The following GALNT13 variants were observed in gnomAD, a reference collection of about 807,000 sequenced individuals.
GALNT13 encodes the protein UDP-GalNAc:polypeptide N-acetylgalactosaminyltransferase 13.
Under a neutral mutation model 64.2 loss-of-function variants are expected in GALNT13, and 28 were observed. The ratio of observed to expected loss-of-function variants is 0.44; its 90% CI spans 0.32 to 0.60. GALNT13 has a LOEUF of 0.60. Ranked by LOEUF, GALNT13 falls within the 20% of genes least tolerant of loss-of-function variation. GALNT13 has a pLI of 0.05. For missense variants in GALNT13, 577 were observed against 669.8 expected (o/e 0.86, Z 1.53); for synonymous variants, 214 against 224.6 (o/e 0.95, Z 0.42).
At chr2:154,200,311 A>T (rs1573863329) in intron 4 of GALNT13, among the ~76,000 whole-genome samples, 1 of 151,918 alleles carries the variant, frequency 6.6e-6, no homozygotes, top group African/African-American at 2.4e-5. Context: ...AACTATGGAG[A>T]TGGGGTGGTG....
chr2:154,111,507 A>G (rs926055077), intron 3 of GALNT13, among the ~76,000 whole-genome samples: 1 of 152,164 alleles, frequency 6.6e-6, no homozygotes, highest in African/African-American at 2.4e-5. Flanking sequence ...CCAGGTGCCA[A>G]TGTTAACTTC....
intron 2 of GALNT13, among the ~76,000 whole-genome samples, chr2:153,927,135 A>G (rs1235061983): frequency 6.6e-6 from 1 of 152,090 alleles, no homozygotes; most frequent in Non-Finnish European, 1.5e-5. Flanking sequence ...TTTTAAGAAA[A>G]TGGGTCAAAA....
chr2:153,976,925 C>T, intron 3 of GALNT13, among the ~76,000 whole-genome samples: 1 of 151,626 alleles, frequency 6.6e-6, no homozygotes. Context: ...GAAATAATTC[C>T]ATCTACACAT....
intron 2 of GALNT13, among the ~76,000 whole-genome samples, chr2:153,908,031 A>C (rs1177746344): frequency 6.6e-6 from 1 of 152,078 alleles, no homozygotes; most frequent in Admixed American, 6.6e-5. Context: ...ACCAGCAAGC[A>C]GTGTGTAAGT....
the GALNT13 span, among the ~76,000 whole-genome samples, chr2:153,803,817 G>A: frequency 4.6e-5 from 7 of 152,082 alleles, no homozygotes; most frequent in African/African-American, 1.4e-4. Context: ...TGCAAGCCAA[G>A]AGAAAAGGCT....
At chr2:153,719,967 A>C in the GALNT13 span, among the ~76,000 whole-genome samples, 5 of 152,034 alleles carry the variant, frequency 3.3e-5, no homozygotes, top group African/African-American at 9.7e-5. Flanking sequence ...CCACAGCTCA[A>C]GGAGGCCTGC....
At chr2:153,727,715 C>T in the GALNT13 span, among the ~76,000 whole-genome samples, 2 of 150,670 alleles carry the variant, frequency 1.3e-5, no homozygotes, top group East Asian at 3.9e-4. Flanking sequence ...CTAATGAAGT[C>T]AAGCACTTTT....
chr2:153,649,348 T>C, the GALNT13 span, among the ~76,000 whole-genome samples: 1 of 152,098 alleles, frequency 6.6e-6, no homozygotes, highest in Non-Finnish European at 1.5e-5. Context: ...GTTTGATTCT[T>C]CTCTCTTTTC....
intron 9 of GALNT13, among the ~76,000 whole-genome samples, chr2:154,318,245 T>G (rs1214019864): frequency 6.6e-6 from 1 of 152,182 alleles, no homozygotes; most frequent in East Asian, 1.9e-4. Context: ...GTTTAAAGTT[T>G]GTGATACCTC....
At chr2:153,102,904 G>A in the GALNT13 span, among the ~76,000 whole-genome samples, 4 of 152,118 alleles carry the variant, frequency 2.6e-5, no homozygotes, top group Non-Finnish European at 5.9e-5. Context: ...CATGTGATAA[G>A]GGTGGAGCTA....
chr2:153,975,674 T>G (rs1694030015), intron 3 of GALNT13, among the ~76,000 whole-genome samples: 1 of 152,074 alleles, frequency 6.6e-6, no homozygotes, highest in Admixed American at 6.6e-5. Context: ...CATCATTAAA[T>G]GATTCAATAG....
At chr2:154,171,441 C>G (rs1461970756) in intron 4 of GALNT13, among the ~76,000 whole-genome samples, 1 of 152,018 alleles carries the variant, frequency 6.6e-6, no homozygotes, top group African/African-American at 2.4e-5. Context: ...TATATTACAC[C>G]TCAGTTGAAA....
At chr2:153,423,605 G>A in the GALNT13 span, 1 of 151,896 alleles carries the variant, frequency 6.6e-6, no homozygotes, top group South Asian at 2.1e-4. Flanking sequence ...AGAAGTTACA[G>A]AGAATGGTTA....
At chr2:154,304,827 G>A (rs1314396027) in intron 9 of GALNT13, among the ~76,000 whole-genome samples, 1 of 152,200 alleles carries the variant, frequency 6.6e-6, no homozygotes, top group Non-Finnish European at 1.5e-5. Context: ...TTGGGAGGCA[G>A]AACAAGGACT....
intron 9 of GALNT13, among the ~76,000 whole-genome samples, chr2:154,349,627 G>A (rs1392914654): frequency 6.6e-6 from 1 of 152,186 alleles, no homozygotes; most frequent in East Asian, 1.9e-4. Flanking sequence ...ATTGGGAAAG[G>A]CCCTAGAAAT....
chr2:154,431,601 A>G (rs187554927), intron 11 of GALNT13, among the ~76,000 whole-genome samples: 1 of 152,336 alleles, frequency 6.6e-6, no homozygotes, highest in East Asian at 1.9e-4. Flanking sequence ...AAAATCCAGA[A>G]CAAACCATAC....
chr2:153,622,333 CAT>C, the GALNT13 span, among the ~76,000 whole-genome samples: 3 of 152,096 alleles, frequency 2.0e-5, no homozygotes, highest in Non-Finnish European at 4.4e-5. Context: ...GGAAATTAGT[CAT>C]ATTCATTTGT....
chr2:153,870,029 T>C (rs531635590), upstream of GALNT13, among the ~76,000 whole-genome samples: 1 of 151,978 alleles, frequency 6.6e-6, no homozygotes, highest in African/African-American at 2.4e-5. Context: ...CCCTCAAGAC[T>C]AATAAGTATG....
At chr2:154,000,318 C>A (rs1695819009) in intron 3 of GALNT13, among the ~76,000 whole-genome samples, 1 of 151,208 alleles carries the variant, frequency 6.6e-6, no homozygotes, top group African/African-American at 2.4e-5. Context: ...TATTTCTGCT[C>A]TGATATTTGT....
Sources: gnomAD v4.1 joint callset for allele counts (sites outside exome capture counted in the v4.1 genomes callset) on GRCh38, gnomAD v4.1.1 for gene constraint, MANE v1.5 for transcripts, NCBI Gene and HGNC (gene_info 2026-07-23, HGNC 2026-07-21) for gene names.